Variants in VPS13A observed in about 807,000 individuals in gnomAD.
VPS13A encodes intermembrane lipid transfer protein VPS13A.
In VPS13A, 264 loss-of-function variants were observed where a neutral mutation model predicts 390.9. That is an observed-to-expected ratio of 0.68 (90% CI 0.61 to 0.75). The LOEUF is 0.75. Among genes scored for constraint, VPS13A ranks in the 30% least tolerant of loss-of-function variants. The probability of loss-of-function intolerance (pLI) is 0.00; values close to 1 mark genes in which losing one functional copy is unlikely to be tolerated. For missense variants in VPS13A, 3,409 were observed against 3,733.9 expected, an observed-to-expected ratio of 0.91 and a Z score of 2.27; for synonymous variants, 1,231 against 1,227.1, an observed-to-expected ratio of 1.00 and a Z score of -0.07.
At chr9:77,328,662 C>T (rs1830128795) in intron 45 of VPS13A, among the ~76,000 whole-genome samples, 1 of 152,176 alleles carries the variant, frequency 6.6e-6, no homozygotes, top group Non-Finnish European at 1.5e-5. Context: ...GTGTGTTATG[C>T]AGGTGGTTTC....
At chr9:77,213,138 G>C in intron 8 of VPS13A, 96 bp from the exon 9 acceptor site, 3 of 1,533,710 alleles carry the variant, frequency 2.0e-6, no homozygotes, top group Non-Finnish European at 2.7e-6. Flanking sequence ...GTTTAACTCT[G>C]TGATATGGCT....
At chr9:77,392,089 C>T (rs1296764131) in intron 68 of VPS13A, among the ~76,000 whole-genome samples, 6 of 152,196 alleles carry the variant, frequency 3.9e-5, no homozygotes, top group Admixed American at 3.9e-4. Context: ...TTCACACTCT[C>T]ATTCCTGTTT....
chr9:77,256,836 C>T (rs1400401051), intron 22 of VPS13A, among the ~76,000 whole-genome samples: 1 of 151,724 alleles, frequency 6.6e-6, no homozygotes, highest in Admixed American at 6.6e-5. Flanking sequence ...TGATTATTTG[C>T]ATGGAATGTC....
Position 77,238,201 on chromosome 9 carries a change from T to C in VPS13A, c.1785+10T>C. The C allele has an allele frequency of 6.2e-7, 1 of 1,611,630 alleles. No homozygotes were observed. The highest frequency in any genetic ancestry group is 8.5e-7 in the Non-Finnish European group (1 of 1,177,964). On this transcript the variant is annotated intron_variant, in intron 18 of 71. Transcript: ENST00000360280. ...AATCATATATGATGCAGTAAGCATT[T>C]TTTTAAATTACTAAGTTTTAATATA...
intron 68 of VPS13A, among the ~76,000 whole-genome samples, chr9:77,399,188 A>C (rs12349593): frequency 0.19 from 26,053 of 137,466 alleles, 2,330 homozygotes; most frequent in Middle Eastern, 0.26. Context: ...AAATAAAAAA[A>C]AAAAAAAAAA....
intron 46 of VPS13A, among the ~76,000 whole-genome samples, chr9:77,333,140 A>T (rs1830365334): frequency 6.6e-6 from 1 of 152,356 alleles, no homozygotes; most frequent in African/African-American, 2.4e-5. Context: ...AGATATATTT[A>T]AAAATTTCTG....
intron 23 of VPS13A, among the ~76,000 whole-genome samples, chr9:77,269,820 CT>C (rs1410195478): frequency 6.6e-6 from 1 of 152,138 alleles, no homozygotes; most frequent in Non-Finnish European, 1.5e-5. Flanking sequence ...CACATTGTGA[CT>C]GTATTTACAG....
chr9:77,247,428 G>A, intron 20 of VPS13A, 33 bp downstream of exon 20: 1 of 1,551,662 alleles, frequency 6.4e-7, no homozygotes, highest in South Asian at 1.2e-5. Flanking sequence ...TTATGATACA[G>A]CATTTGGGGT....
rs1830457870 is a variant in VPS13A, at chr9:77,334,792, G to T, written c.6096-2463G>T. Among the ~76,000 whole-genome samples, 3 of 152,170 alleles carry T rather than the reference G, an allele frequency of 2.0e-5. No homozygotes were observed. The South Asian group carries it at 6.2e-4, about 31-fold the overall frequency. ...ATTAAGGTTTTGTCTTTAAGTATTA[G>T]AAGTAAGAGTGGAAAATAGAATGAA... On this transcript the variant is annotated intron_variant, in intron 46 of 71. Transcript: ENST00000360280.
intron 8 of VPS13A, 79 bp downstream of exon 8, chr9:77,213,107 G>A: frequency 1.3e-6 from 2 of 1,563,810 alleles, no homozygotes; most frequent in South Asian, 1.1e-5. Context: ...AGATAAGGAT[G>A]TATGTGAATT....
chr9:77,307,739 A>G (rs1170158523), intron 34 of VPS13A, among the ~76,000 whole-genome samples: 1 of 152,194 alleles, frequency 6.6e-6, no homozygotes, highest in Non-Finnish European at 1.5e-5. Context: ...ATTGGTATTA[A>G]CACCTAATTT....
chr9:77,376,739 A>G (rs1157636740), intron 67 of VPS13A, among the ~76,000 whole-genome samples: 2 of 152,196 alleles, frequency 1.3e-5, no homozygotes, highest in Admixed American at 1.3e-4. Flanking sequence ...GTATAGAGAA[A>G]GGTCCAAGCT....
chr9:77,324,220 G>C (rs1411340873), intron 45 of VPS13A, among the ~76,000 whole-genome samples: 1 of 151,586 alleles, frequency 6.6e-6, no homozygotes, highest in Non-Finnish European at 1.5e-5. Context: ...AGTTATGATA[G>C]CTGCAAATGA....
At chr9:77,267,414 G>GGTC (rs1219408182) in intron 23 of VPS13A, among the ~76,000 whole-genome samples, 1 of 152,176 alleles carries the variant, frequency 6.6e-6, no homozygotes, top group African/African-American at 2.4e-5. Flanking sequence ...CCTTCTAACA[G>GGTC]TCAGACCCCT....
chr9:77,390,202 C>T, intron 68 of VPS13A: 1 of 780,370 alleles, frequency 1.3e-6, no homozygotes, highest in South Asian at 5.8e-5. Flanking sequence ...TTTTATAGCT[C>T]TTCCTCTCCA....
At chr9:77,297,035 G>C (rs1328985628) in intron 33 of VPS13A, among the ~76,000 whole-genome samples, 1 of 151,670 alleles carries the variant, frequency 6.6e-6, no homozygotes, top group African/African-American at 2.4e-5. Flanking sequence ...TGATCAATCT[G>C]GTTAGCGATT....
chr9:77,185,079 A>G (rs1824251488), intron 1 of VPS13A, among the ~76,000 whole-genome samples: 1 of 152,044 alleles, frequency 6.6e-6, no homozygotes. Flanking sequence ...GCGACTTGTG[A>G]CTGACATCTG....
intron 23 of VPS13A, among the ~76,000 whole-genome samples, chr9:77,261,526 G>T (rs1250879282): frequency 2.0e-5 from 3 of 151,506 alleles, no homozygotes; most frequent in Non-Finnish European, 4.4e-5. Context: ...TCCTAGAAAT[G>T]GAATTGTTGA....
Position 77,317,704 on chromosome 9 carries a change from T to G in VPS13A, c.4956+6T>G, listed in dbSNP as rs764595110. On this transcript the variant is annotated splice_donor_region_variant and intron_variant, in intron 40 of 71. Transcript: ENST00000360280. ...TAAAATCCCTGACACTAAAGGTAAATTAAAATATAATCATTTGAATATTTA... is the reference window on the plus strand; with the variant it reads ...TAAAATCCCTGACACTAAAGGTAAAGTAAAATATAATCATTTGAATATTTA... The G allele has an allele frequency of 1.9e-6, 3 of 1,574,308 alleles. No homozygotes were observed. The highest frequency in any genetic ancestry group is 2.6e-6 in the Non-Finnish European group (3 of 1,155,394).
Sources: allele counts gnomAD v4.1 joint callset (sites outside exome capture counted in the v4.1 genomes callset), GRCh38; gene constraint gnomAD v4.1.1; transcripts MANE v1.5; gene names NCBI Gene and HGNC (gene_info 2026-07-23, HGNC 2026-07-21).